The following FOXP1 variants were observed in gnomAD, a reference collection of about 807,000 sequenced individuals.
FOXP1 encodes forkhead box P1.
In FOXP1, 15 loss-of-function variants were observed where a neutral mutation model predicts 98.2. The ratio of observed to expected loss-of-function variants is 0.15; its 90% confidence interval spans 0.10 to 0.24. The LOEUF (loss-of-function observed/expected upper bound fraction) is 0.24, where lower values mean the gene tolerates loss of function less well. FOXP1 is among the 10% of genes least tolerant of loss of function. FOXP1 has a pLI of 1.00. For synonymous variants in FOXP1, 371 were observed against 314.5 expected (o/e 1.18, Z -1.90); for missense variants, 633 against 848.5 (o/e 0.75, Z 3.15).
chr3:71,041,285 T>C lies in FOXP1; in HGVS notation c.869+43A>G, dbSNP rs1015469123. 4 of 1,548,394 alleles carry C rather than the reference T, an allele frequency of 2.6e-6. No individual in the cohort carries two copies. The African/African-American group carries it at 5.4e-5, about 21-fold the overall frequency. ...GAGGCAGGGCCACCCACCCCTCTCA[T>C]GTTAAAGGCAGTTTTGGACCCATCT... On this transcript the variant is annotated intron_variant, in intron 11 of 20. Transcript: ENST00000649528.
chr3:71,563,842 A>G (rs1000821857), intron 2 of FOXP1, among the ~76,000 whole-genome samples: 1 of 152,186 alleles, frequency 6.6e-6, no homozygotes, highest in Admixed American at 6.5e-5. Context: ...TGTCTCAAAA[A>G]ATGAGGGCTT....
At chr3:71,496,268 A>AT (rs775422958) in intron 2 of FOXP1, among the ~76,000 whole-genome samples, 2 of 152,198 alleles carry the variant, frequency 1.3e-5, no homozygotes, top group Non-Finnish European at 2.9e-5. Context: ...ACAGAAAAGC[A>AT]CAGTAGGTGT....
At chr3:71,484,619 G>A (rs535108139) in intron 3 of FOXP1, among the ~76,000 whole-genome samples, 6 of 152,332 alleles carry the variant, frequency 3.9e-5, no homozygotes, top group African/African-American at 1.4e-4. Context: ...TTTGGCAGAA[G>A]AGAAAACTGA....
intron 7 of FOXP1, among the ~76,000 whole-genome samples, chr3:71,089,730 G>A (rs1021572121): frequency 6.6e-5 from 10 of 152,198 alleles, no homozygotes; most frequent in African/African-American, 2.4e-4. Context: ...TCTATAATCA[G>A]GGTACAAAGA....
intron 11 of FOXP1, among the ~76,000 whole-genome samples, chr3:71,040,078 A>G (rs1370012006): frequency 4.2e-5 from 6 of 143,208 alleles, no homozygotes; most frequent in Non-Finnish European, 8.9e-5. Flanking sequence ...ACACTTGAAC[A>G]TGGTGTGTGT....
intron 6 of FOXP1, among the ~76,000 whole-genome samples, chr3:71,133,522 C>T (rs2059671645): frequency 6.6e-6 from 1 of 152,160 alleles, no homozygotes; most frequent in Admixed American, 6.5e-5. Context: ...TGAAGATGTG[C>T]AGGCAGGTGA....
chr3:71,456,417 G>A (rs1457916937), intron 3 of FOXP1, among the ~76,000 whole-genome samples: 5 of 152,080 alleles, frequency 3.3e-5, no homozygotes, highest in African/African-American at 7.2e-5. Flanking sequence ...TTTTCAGCAC[G>A]TGAGACCTGA....
chr3:71,133,839 T>A (rs967809671), intron 6 of FOXP1, among the ~76,000 whole-genome samples: 2 of 150,724 alleles, frequency 1.3e-5, no homozygotes, highest in Admixed American at 6.6e-5. Context: ...TGTGTGATGT[T>A]TTTTTTTCAC....
intron 5 of FOXP1, among the ~76,000 whole-genome samples, chr3:71,258,562 G>T (rs1291016333): frequency 6.6e-6 from 1 of 152,158 alleles, no homozygotes; most frequent in Non-Finnish European, 1.5e-5. Context: ...TGGGGCCAGG[G>T]GATGAAGAGC....
intron 4 of FOXP1, chr3:71,333,067 C>G (rs1172887079): frequency 6.6e-6 from 1 of 152,208 alleles, no homozygotes; most frequent in Admixed American, 6.5e-5. Context: ...TGCTTATGAA[C>G]TCTCAAAACT....
chr3:71,000,410 A>G (rs897148340), intron 13 of FOXP1, among the ~76,000 whole-genome samples: 1 of 152,080 alleles, frequency 6.6e-6, no homozygotes, highest in Admixed American at 6.6e-5. Flanking sequence ...GGAGAGAAAA[A>G]AGGACAATGC....
chr3:71,339,389 GTACAT>G (rs2107770656), intron 4 of FOXP1, among the ~76,000 whole-genome samples: 1 of 152,260 alleles, frequency 6.6e-6, no homozygotes, highest in South Asian at 2.1e-4. Context: ...GTCCTCTAAG[GTACAT>G]TATCATTCCC....
intron 3 of FOXP1, among the ~76,000 whole-genome samples, chr3:71,404,328 T>C (rs1290120438): frequency 6.6e-6 from 1 of 151,940 alleles, no homozygotes; most frequent in African/African-American, 2.4e-5. Context: ...GGTTTCTCCA[T>C]GTTGGCCAGG....
At chr3:71,407,042 C>T (rs952560430) in intron 3 of FOXP1, among the ~76,000 whole-genome samples, 2 of 152,046 alleles carry the variant, frequency 1.3e-5, no homozygotes, top group African/African-American at 4.8e-5. Flanking sequence ...AAAGAGATAA[C>T]CCGGGCTGTT....
intron 5 of FOXP1, among the ~76,000 whole-genome samples, chr3:71,206,616 A>T (rs991939969): frequency 2.0e-5 from 3 of 152,194 alleles, no homozygotes; most frequent in Non-Finnish European, 4.4e-5. Context: ...CATATTTCCA[A>T]GGAAAAAAAG....
intron 3 of FOXP1, among the ~76,000 whole-genome samples, chr3:71,466,851 A>C (rs566388600): frequency 6.6e-6 from 1 of 152,382 alleles, no homozygotes; most frequent in Admixed American, 6.5e-5. Flanking sequence ...AGCTCTAAAC[A>C]CAGACACATG....
At position 71,281,942 on chromosome 3, in the gene FOXP1, C is replaced by CAAAA. The variant is rs34561352; in HGVS notation, c.-12+17874_-12+17877dup. Among the ~76,000 whole-genome samples, 46 of 137,750 alleles carry CAAAA rather than the reference C, an allele frequency of 3.3e-4. No homozygotes were observed. In the East Asian group the frequency reaches 6.9e-3, roughly 21 times the overall value. The allele number at this position is 137,750 out of a possible 152,430, so 90.4% of individuals were successfully genotyped here. On this transcript the variant is annotated intron_variant, in intron 5 of 20. Coordinates refer to ENST00000649528, the MANE Select transcript of FOXP1 (RefSeq NM_001349338.3). ...CAAACCTCTGTCTCTACTAAAAATA[C>CAAAA]AAAAAAAAAAAAAAAATTAACCAAG...
intron 7 of FOXP1, among the ~76,000 whole-genome samples, chr3:71,084,364 T>C (rs959007011): frequency 6.1e-4 from 92 of 151,906 alleles, no homozygotes; most frequent in African/African-American, 6.0e-4. Flanking sequence ...TTTTTTTTTT[T>C]CCCCCAAAAA....
intron 3 of FOXP1, among the ~76,000 whole-genome samples, chr3:71,373,821 C>G (rs1404507245): frequency 6.6e-6 from 1 of 152,186 alleles, no homozygotes; most frequent in Non-Finnish European, 1.5e-5. Flanking sequence ...TCACCTCTAC[C>G]CTGCTAATGA....
Sources: allele counts gnomAD v4.1 joint callset (sites outside exome capture counted in the v4.1 genomes callset), GRCh38; gene constraint gnomAD v4.1.1; transcripts MANE v1.5; gene names NCBI Gene and HGNC (gene_info 2026-07-23, HGNC 2026-07-21).